Variants in XYLT1 observed in about 807,000 individuals in gnomAD.
XYLT1 encodes xylosyltransferase 1, also known as beta-D-xylosyltransferase 1.
A neutral mutation model predicts 91.3 loss-of-function variants in XYLT1; 36 were observed. The observed-to-expected ratio is 0.39, with a 90% CI of 0.30 to 0.52. The LOEUF is 0.52. Among genes scored for constraint, XYLT1 ranks in the 20% least tolerant of loss-of-function variants. XYLT1 has a pLI of 0.68. For synonymous variants in XYLT1, 588 were observed against 532.0 expected (o/e 1.11, Z -1.45); for missense variants, 1,242 against 1,284.5 (o/e 0.97, Z 0.51).
chr16:17,168,953 A>G (rs906158761), intron 5 of XYLT1, among the ~76,000 whole-genome samples: 3 of 152,158 alleles, frequency 2.0e-5, no homozygotes, highest in Admixed American at 2.0e-4. Context: ...CTGCCTACTC[A>G]ATCTTTGGAA....
At chr16:17,372,147 C>G (rs1386002553) in intron 1 of XYLT1, among the ~76,000 whole-genome samples, 1 of 152,202 alleles carries the variant, frequency 6.6e-6, no homozygotes, top group East Asian at 1.9e-4. Context: ...AAACATGCAG[C>G]ATCCCATCTC....
chr16:17,241,084 C>T (rs994126276), intron 3 of XYLT1, among the ~76,000 whole-genome samples: 5 of 152,210 alleles, frequency 3.3e-5, no homozygotes, highest in East Asian at 1.9e-4. Flanking sequence ...GGATTCCAGA[C>T]GCATAAGTAA....
intron 2 of XYLT1, among the ~76,000 whole-genome samples, chr16:17,267,008 G>A (rs2033816932): frequency 6.6e-6 from 1 of 152,206 alleles, no homozygotes. Context: ...AGAAACCCGT[G>A]GACCACGCTG....
intron 3 of XYLT1, among the ~76,000 whole-genome samples, chr16:17,206,353 G>GGA (rs2032643941): frequency 6.6e-6 from 1 of 152,032 alleles, no homozygotes; most frequent in Non-Finnish European, 1.5e-5. Flanking sequence ...ATTAAACTTG[G>GGA]GAGCTGTCTG....
At chr16:17,299,756 C>T (rs1340920137) in intron 2 of XYLT1, among the ~76,000 whole-genome samples, 1 of 152,076 alleles carries the variant, frequency 6.6e-6, no homozygotes, top group Non-Finnish European at 1.5e-5. Flanking sequence ...ATAATGAAGG[C>T]CCAGGAAGGT....
chr16:17,436,677 A>C (rs920648800), intron 1 of XYLT1, among the ~76,000 whole-genome samples: 5 of 152,258 alleles, frequency 3.3e-5, no homozygotes, highest in African/African-American at 1.2e-4. Flanking sequence ...ATCTACTTCA[A>C]ATGACCAGAG....
chr16:17,303,051 C>G (rs765112345), intron 2 of XYLT1, among the ~76,000 whole-genome samples: 1 of 152,084 alleles, frequency 6.6e-6, no homozygotes, highest in Admixed American at 6.5e-5. Flanking sequence ...GAGCTTCAGT[C>G]GTGATGGATC....
rs1966756055 is a variant in XYLT1, at chr16:17,105,061, C to G, written c.*3634G>C. ...TGTACCCCTCCACCTGAATGTACAC[C>G]TCTCCACCCCTCGATACTGCTGGGA... On this transcript the variant is annotated 3_prime_UTR_variant, in exon 12 of 12. Coordinates refer to ENST00000261381, the MANE Select transcript of XYLT1 (RefSeq NM_022166.4). 6.6e-6 allele frequency: 1 copy of G among 152,188 alleles called. No individual in the cohort carries two copies. 9.4% of individuals were successfully genotyped at this position (152,188 alleles called of 1,614,324 possible).
intron 1 of XYLT1, among the ~76,000 whole-genome samples, chr16:17,427,416 C>T (rs2036333047): frequency 6.6e-6 from 1 of 152,234 alleles, no homozygotes; most frequent in Admixed American, 6.5e-5. Flanking sequence ...CCTCAGCCTC[C>T]TGAGTAGCTG....
At chr16:17,441,604 C>T (rs1366280510) in intron 1 of XYLT1, among the ~76,000 whole-genome samples, 1 of 152,156 alleles carries the variant, frequency 6.6e-6, no homozygotes, top group East Asian at 1.9e-4. Flanking sequence ...GGACTTTGGA[C>T]TCTTGTTTTA....
intron 1 of XYLT1, among the ~76,000 whole-genome samples, chr16:17,408,265 G>GTTA: frequency 6.6e-6 from 1 of 152,346 alleles, no homozygotes; most frequent in South Asian, 2.1e-4. Flanking sequence ...TGCTAAGTAA[G>GTTA]TGCAGTGACA....
At chr16:17,382,773 T>C (rs895985700) in intron 1 of XYLT1, among the ~76,000 whole-genome samples, 1 of 151,846 alleles carries the variant, frequency 6.6e-6, no homozygotes, top group Admixed American at 6.6e-5. Flanking sequence ...ACGGTCCCCA[T>C]ACTGGCACTC....
At chr16:17,437,019 G>A (rs2036467317) in intron 1 of XYLT1, among the ~76,000 whole-genome samples, 1 of 152,144 alleles carries the variant, frequency 6.6e-6, no homozygotes, top group Non-Finnish European at 1.5e-5. Flanking sequence ...TGTGCGAAAT[G>A]ATCCACCTGC....
Position 17,144,592 on chromosome 16 carries a change from C to G in XYLT1, c.1371-3223G>C, listed in dbSNP as rs901982789. ...GGACATTCTAGACAGAAAACAGACT[C>G]ATCAGAGATCTGGGGAGCAGACCAG... On this transcript the variant is annotated intron_variant, in intron 6 of 11. Coordinates refer to ENST00000261381, the MANE Select transcript of XYLT1 (RefSeq NM_022166.4). Among the ~76,000 whole-genome samples the G allele has an allele frequency of 2.6e-5, 4 of 152,154 alleles. No individual in the cohort carries two copies. In the South Asian group the frequency reaches 6.2e-4, roughly 24 times the overall value.
chr16:17,142,838 G>A (rs751762738), intron 6 of XYLT1, among the ~76,000 whole-genome samples: 30 of 152,056 alleles, frequency 2.0e-4, no homozygotes, highest in Non-Finnish European at 4.1e-4. Context: ...GATTCCTACT[G>A]GTGACCGAGT....
chr16:17,175,767 GC>G (rs776585919), intron 5 of XYLT1, among the ~76,000 whole-genome samples: 4 of 152,188 alleles, frequency 2.6e-5, no homozygotes, highest in Non-Finnish European at 5.9e-5. Context: ...CCTCTGGCCT[GC>G]CAGGCTCCCA....
At chr16:17,388,104 T>C (rs2035769004) in intron 1 of XYLT1, among the ~76,000 whole-genome samples, 1 of 152,170 alleles carries the variant, frequency 6.6e-6, no homozygotes, top group Non-Finnish European at 1.5e-5. Context: ...TTAAACATGC[T>C]CAGAACACTG....
intron 1 of XYLT1, chr16:17,369,610 G>T (rs532092755): frequency 1.3e-5 from 2 of 152,396 alleles, no homozygotes; most frequent in Non-Finnish European, 2.9e-5. Flanking sequence ...ACCTCAAGAA[G>T]AAAAATTCGG....
chr16:17,134,141 A>G (rs533650120), intron 9 of XYLT1, among the ~76,000 whole-genome samples: 1 of 152,300 alleles, frequency 6.6e-6, no homozygotes, highest in South Asian at 2.1e-4. Context: ...TCCATCAAAA[A>G]AAGTTTTGTA....
Sources: allele counts gnomAD v4.1 joint callset (sites outside exome capture counted in the v4.1 genomes callset), GRCh38; gene constraint gnomAD v4.1.1; transcripts MANE v1.5; gene names NCBI Gene and HGNC (gene_info 2026-07-23, HGNC 2026-07-21).